WDR70: variants seen among roughly 807,000 people sequenced by gnomAD.
The protein encoded by WDR70 is WD repeat domain 70.
A neutral mutation model predicts 88.6 loss-of-function variants in WDR70; 53 were observed. That is an observed-to-expected ratio of 0.60 (90% CI 0.48 to 0.75). The LOEUF is 0.75. WDR70 is among the 30% of genes least tolerant of loss of function. WDR70 has a pLI of 0.00. For synonymous variants in WDR70, 280 were observed against 270.0 expected (o/e 1.04, Z -0.36); for missense variants, 610 against 823.2 (o/e 0.74, Z 3.17).
chr5:37,520,595 G>T (rs1419544546), intron 9 of WDR70, among the ~76,000 whole-genome samples: 1 of 152,020 alleles, frequency 6.6e-6, no homozygotes, highest in Non-Finnish European at 1.5e-5. Context: ...AGCATGACTA[G>T]GTAAGGTTTA....
intron 8 of WDR70, among the ~76,000 whole-genome samples, chr5:37,481,056 C>T (rs1581321440): frequency 1.3e-5 from 2 of 152,246 alleles, no homozygotes; most frequent in East Asian, 3.8e-4. Context: ...CCATGTGTCA[C>T]ATCCAGGTGA....
At chr5:37,650,964 A>ATTTT (rs56209225) in intron 10 of WDR70, among the ~76,000 whole-genome samples, 2 of 146,672 alleles carry the variant, frequency 1.4e-5, no homozygotes, top group African/African-American at 2.5e-5. Context: ...AATGGGCTTC[A>ATTTT]TTTTTTTTTT....
At chr5:37,449,979 T>C (rs1359567437) in intron 7 of WDR70, among the ~76,000 whole-genome samples, 1 of 152,174 alleles carries the variant, frequency 6.6e-6, no homozygotes, top group African/African-American at 2.4e-5. Flanking sequence ...CTCCCACTTA[T>C]GAGTGAGAAC....
intron 7 of WDR70, among the ~76,000 whole-genome samples, chr5:37,470,576 T>A (rs1054722549): frequency 6.6e-6 from 1 of 152,212 alleles, no homozygotes; most frequent in African/African-American, 2.4e-5. Flanking sequence ...AATGGGTAAA[T>A]ACAGCATATA....
intron 9 of WDR70, among the ~76,000 whole-genome samples, chr5:37,598,282 A>T (rs1743759727): frequency 6.6e-6 from 1 of 152,258 alleles, no homozygotes; most frequent in Admixed American, 6.5e-5. Context: ...ATACTTTAGA[A>T]TTATGATATG....
At position 37,410,443 on chromosome 5, in the gene WDR70, T is replaced by A. The variant is rs945048647; in HGVS notation, c.492+13873T>A. Among the ~76,000 whole-genome samples, 7 of 152,058 alleles carry A rather than the reference T, an allele frequency of 4.6e-5. No homozygotes were observed. In the South Asian group the frequency reaches 6.2e-4, roughly 14 times the overall value. ...ATTCTGTGTACCCTTTAGGGACCATTTGAAATATAATTTCCTCTAAGCAAC... is the reference window on the plus strand; with the variant it reads ...ATTCTGTGTACCCTTTAGGGACCATATGAAATATAATTTCCTCTAAGCAAC... On this transcript the variant is annotated intron_variant, in intron 5 of 17. Transcript: ENST00000265107.
intron 8 of WDR70, among the ~76,000 whole-genome samples, chr5:37,508,046 TAA>T (rs1740613960): frequency 6.6e-6 from 1 of 152,188 alleles, no homozygotes; most frequent in Non-Finnish European, 1.5e-5. Flanking sequence ...TATCTTTGCT[TAA>T]AACCTGACAT....
rs201183548 is a variant in WDR70, at chr5:37,658,539, AC to A, written c.1093-39110del. On this transcript the variant is annotated intron_variant, in intron 10 of 17. Transcript: ENST00000265107. ...GGCAACCTTCTAGTTATCTTTCAAA[AC>A]CCCCCTTAAATATCATCACCTCTGT... Among the ~76,000 whole-genome samples, 3 of 150,614 alleles carry A rather than the reference AC, an allele frequency of 2.0e-5. No individual in the cohort carries two copies. The South Asian group carries it at 6.4e-4, about 32-fold the overall frequency.
chr5:37,703,750 G>A (rs1487042300), intron 13 of WDR70, among the ~76,000 whole-genome samples: 1 of 152,148 alleles, frequency 6.6e-6, no homozygotes, highest in African/African-American at 2.4e-5. Flanking sequence ...ATTCCCAGAG[G>A]AAAATTTGAA....
chr5:37,632,214 T>C (rs553247154), intron 10 of WDR70, among the ~76,000 whole-genome samples: 2 of 152,322 alleles, frequency 1.3e-5, no homozygotes, highest in South Asian at 4.1e-4. Flanking sequence ...AAACCTATTA[T>C]GCTGCCAGTA....
intron 5 of WDR70, among the ~76,000 whole-genome samples, chr5:37,432,837 A>G (rs1455991031): frequency 1.3e-5 from 2 of 152,082 alleles, no homozygotes; most frequent in African/African-American, 4.8e-5. Flanking sequence ...TGCTGGGATT[A>G]TAGGCGTGAG....
At chr5:37,590,363 A>T (rs1157321097) in intron 9 of WDR70, among the ~76,000 whole-genome samples, 1 of 152,134 alleles carries the variant, frequency 6.6e-6, no homozygotes, top group Non-Finnish European at 1.5e-5. Context: ...AGATCAATAG[A>T]ATCATGTAGT....
intron 5 of WDR70, among the ~76,000 whole-genome samples, chr5:37,415,377 A>C (rs1749675247): frequency 2.4e-5 from 3 of 127,488 alleles, no homozygotes; most frequent in African/African-American, 2.6e-5. Flanking sequence ...GGCACCCCTC[A>C]CCTCCCGGAC....
chr5:37,600,715 T>C (rs1197358906), intron 9 of WDR70, among the ~76,000 whole-genome samples: 1 of 152,158 alleles, frequency 6.6e-6, no homozygotes, highest in Non-Finnish European at 1.5e-5. Flanking sequence ...GCATTTTTCA[T>C]ACCCACTAGA....
intron 17 of WDR70, among the ~76,000 whole-genome samples, chr5:37,727,672 C>A (rs1748016130): frequency 1.3e-5 from 2 of 152,214 alleles, no homozygotes; most frequent in Non-Finnish European, 2.9e-5. Flanking sequence ...AACTCCTGGG[C>A]TCAAAGGATT....
intron 10 of WDR70, among the ~76,000 whole-genome samples, chr5:37,674,239 T>A (rs1304791262): frequency 3.9e-5 from 6 of 152,000 alleles, no homozygotes; most frequent in African/African-American, 1.5e-4. Flanking sequence ...TCTTTTTTTT[T>A]ATTTTATTAT....
chr5:37,534,851 A>G (rs907380251), intron 9 of WDR70, among the ~76,000 whole-genome samples: 4 of 151,878 alleles, frequency 2.6e-5, no homozygotes, highest in African/African-American at 9.7e-5. Flanking sequence ...CCCATTATAT[A>G]TATTCTTTAC....
chr5:37,708,026 A>G (rs989097480), intron 13 of WDR70, among the ~76,000 whole-genome samples: 8 of 134,356 alleles, frequency 6.0e-5, no homozygotes, highest in African/African-American at 2.1e-4. Context: ...AACATAAGAA[A>G]TATGATAGTA....
chr5:37,497,454 T>C (rs12518286), intron 8 of WDR70, among the ~76,000 whole-genome samples: 3,126 of 109,984 alleles, frequency 0.028, 120 homozygotes, highest in Middle Eastern at 0.043. Flanking sequence ...GTCTTCCCTT[T>C]CCTTCCGTCT....
Sources: gnomAD v4.1 joint callset for allele counts (sites outside exome capture counted in the v4.1 genomes callset) on GRCh38, gnomAD v4.1.1 for gene constraint, MANE v1.5 for transcripts, NCBI Gene and HGNC (gene_info 2026-07-23, HGNC 2026-07-21) for gene names.